The following SLC35F3 variants were observed in gnomAD, a reference collection of about 807,000 sequenced individuals.
The protein encoded by SLC35F3 is putative thiamine transporter SLC35F3.
SLC35F3 carries 25 observed loss-of-function variants against 49.9 expected under a neutral mutation model. The observed-to-expected ratio is 0.50, with a 90% CI of 0.37 to 0.70. The LOEUF is 0.70. Ranked by LOEUF, SLC35F3 falls within the 30% of genes least tolerant of loss-of-function variation. The pLI is 0.00. For missense variants in SLC35F3, 525 were observed against 639.8 expected (o/e 0.82, Z 1.94); for synonymous variants, 275 against 265.4 (o/e 1.04, Z -0.35).
chr1:234,030,616 G>A (rs73100491), intron 2 of SLC35F3, among the ~76,000 whole-genome samples: 11,677 of 152,208 alleles, frequency 0.077, 1,200 homozygotes, highest in African/African-American at 0.23. Flanking sequence ...ACCTAACTTA[G>A]AGGGCAGGCA....
intron 2 of SLC35F3, among the ~76,000 whole-genome samples, chr1:234,200,299 C>T (rs1214306822): frequency 6.6e-6 from 1 of 152,138 alleles, no homozygotes; most frequent in Non-Finnish European, 1.5e-5. Flanking sequence ...TCTTCAGATT[C>T]TTTGCCCATT....
chr1:234,054,048 G>A (rs1034281072), intron 2 of SLC35F3, among the ~76,000 whole-genome samples: 2 of 152,188 alleles, frequency 1.3e-5, no homozygotes, highest in South Asian at 4.1e-4. Flanking sequence ...TGGGTAACCA[G>A]ACCTTTCTCT....
rs556267244 is a variant in SLC35F3, at chr1:234,039,705, C to A, written c.283+133947C>A. Among the ~76,000 whole-genome samples the A allele has an allele frequency of 5.3e-5, 8 of 152,324 alleles. 1 individual carries two copies. The South Asian group carries it at 1.7e-3, about 32-fold the overall frequency. The stretch of plus-strand genomic sequence containing the variant: ...ACCCATGACAGGGGTGCTCCATTTA[C>A]TCAGCCTGCCATGCTCAACCCCTCG... On this transcript the variant is annotated intron_variant, in intron 2 of 7. Transcript: ENST00000366618.
intron 2 of SLC35F3, among the ~76,000 whole-genome samples, chr1:234,127,485 T>G (rs976889875): frequency 6.6e-6 from 1 of 152,182 alleles, no homozygotes; most frequent in Non-Finnish European, 1.5e-5. Context: ...TCCTTTTGTA[T>G]AGAAAGCCAT....
chr1:234,304,717 A>G (rs1210163780), intron 3 of SLC35F3, among the ~76,000 whole-genome samples: 3 of 152,206 alleles, frequency 2.0e-5, no homozygotes, highest in Non-Finnish European at 4.4e-5. Flanking sequence ...TTAGGCTTGC[A>G]TTGCCTCCTA....
At chr1:234,007,396 C>T (rs1663645834) in intron 2 of SLC35F3, among the ~76,000 whole-genome samples, 1 of 152,036 alleles carries the variant, frequency 6.6e-6, no homozygotes, top group Non-Finnish European at 1.5e-5. Context: ...GAGGGAACAC[C>T]CAGGGCCAAG....
chr1:234,025,939 G>C (rs1462257617), intron 2 of SLC35F3, among the ~76,000 whole-genome samples: 1 of 152,134 alleles, frequency 6.6e-6, no homozygotes, highest in Non-Finnish European at 1.5e-5. Context: ...ATAGTTTTAG[G>C]TCTTACATTT....
chr1:233,913,203 G>A (rs938471513), intron 2 of SLC35F3, among the ~76,000 whole-genome samples: 2 of 152,326 alleles, frequency 1.3e-5, no homozygotes, highest in South Asian at 4.1e-4. Context: ...CATATGCACG[G>A]GAATGTAGTC....
At chr1:234,187,206 A>C (rs1057005169) in intron 2 of SLC35F3, among the ~76,000 whole-genome samples, 2 of 152,226 alleles carry the variant, frequency 1.3e-5, no homozygotes, top group Non-Finnish European at 2.9e-5. Context: ...ACAAGCAACC[A>C]ACCACCACAC....
rs534027752 is a variant in SLC35F3, at chr1:234,044,213, C to G, written c.283+138455C>G. 4.6e-5 allele frequency among the ~76,000 whole-genome samples: 7 copies of G among 152,256 alleles called. No homozygotes were observed. The South Asian group carries it at 1.5e-3, about 32-fold the overall frequency. On this transcript the variant is annotated intron_variant, in intron 2 of 7. Coordinates refer to ENST00000366618, the MANE Select transcript of SLC35F3 (RefSeq NM_173508.4). Reference sequence around the variant, plus strand: ...CTTTGCCTTTGACCTTCTTCCATGCCCTGCTCAAGCAGGAAAGCCCTTTCC... The same window carrying G: ...CTTTGCCTTTGACCTTCTTCCATGCGCTGCTCAAGCAGGAAAGCCCTTTCC...
At chr1:233,919,986 G>T (rs565465607) in intron 2 of SLC35F3, among the ~76,000 whole-genome samples, 1 of 152,252 alleles carries the variant, frequency 6.6e-6, no homozygotes, top group South Asian at 2.1e-4. Flanking sequence ...AGAACCCTTG[G>T]TAGGATTCAC....
At chr1:234,293,178 G>A (rs551194502) in intron 3 of SLC35F3, among the ~76,000 whole-genome samples, 1 of 152,344 alleles carries the variant, frequency 6.6e-6, no homozygotes, top group South Asian at 2.1e-4. Flanking sequence ...CACAGCTAGA[G>A]CTGACTGTCA....
intron 2 of SLC35F3, among the ~76,000 whole-genome samples, chr1:233,994,935 C>T (rs930539414): frequency 1.3e-5 from 2 of 152,026 alleles, no homozygotes; most frequent in Admixed American, 6.6e-5. Context: ...AGATAGCTCA[C>T]CTTGGTTTGA....
At chr1:233,951,854 G>A (rs932566008) in intron 2 of SLC35F3, among the ~76,000 whole-genome samples, 5 of 152,174 alleles carry the variant, frequency 3.3e-5, no homozygotes, top group Admixed American at 2.6e-4. Flanking sequence ...TTATAGGCAT[G>A]AACCACCATG....
At chr1:234,268,355 T>TGA (rs34474093) in intron 3 of SLC35F3, among the ~76,000 whole-genome samples, 118,111 of 151,582 alleles carry the variant, frequency 0.78, 46,450 homozygotes, top group East Asian at 1. Context: ...CTCGGCAGGC[T>TGA]GTCAGGAGAA....
intron 2 of SLC35F3, among the ~76,000 whole-genome samples, chr1:234,015,836 G>A (rs920887553): frequency 6.6e-6 from 1 of 152,062 alleles, no homozygotes; most frequent in Non-Finnish European, 1.5e-5. Context: ...TTTCTGCACC[G>A]CAAAGGAAAC....
chr1:234,054,133 C>T (rs1228867141), intron 2 of SLC35F3, among the ~76,000 whole-genome samples: 1 of 152,170 alleles, frequency 6.6e-6, no homozygotes, highest in African/African-American at 2.4e-5. Flanking sequence ...AGTTGCTCCT[C>T]TCGAGGAGTA....
intron 2 of SLC35F3, among the ~76,000 whole-genome samples, chr1:234,183,678 T>A (rs1311616295): frequency 7.0e-6 from 1 of 142,874 alleles, no homozygotes; most frequent in Admixed American, 7.8e-5. Context: ...TATGCAGAGT[T>A]TATCTTTTGT....
intron 2 of SLC35F3, among the ~76,000 whole-genome samples, chr1:234,139,962 A>AATAAAATAAAATAAC (rs1558239941): frequency 7.7e-6 from 1 of 129,478 alleles, no homozygotes; most frequent in Non-Finnish European, 1.7e-5. Flanking sequence ...AATAAAATAA[A>AATAAAATAAAATAAC]ATAAAATAAA....
Sources: allele counts gnomAD v4.1 joint callset (sites outside exome capture counted in the v4.1 genomes callset), GRCh38; gene constraint gnomAD v4.1.1; transcripts MANE v1.5; gene names NCBI Gene and HGNC (gene_info 2026-07-23, HGNC 2026-07-21).